The following ZDHHC14 variants were observed in gnomAD, a reference collection of about 807,000 sequenced individuals.
ZDHHC14 encodes the protein palmitoyltransferase ZDHHC14.
A neutral mutation model predicts 47.7 loss-of-function variants in ZDHHC14; 16 were observed. That is an observed-to-expected ratio of 0.34 (90% confidence interval 0.23 to 0.51). The LOEUF is 0.51. Ranked by LOEUF, ZDHHC14 falls within the 20% of genes least tolerant of loss-of-function variation. The probability of loss-of-function intolerance (pLI) is 0.97; values close to 1 mark genes in which losing one functional copy is unlikely to be tolerated. For missense variants in ZDHHC14, 515 were observed against 662.5 expected (o/e 0.78, Z 2.44); for synonymous variants, 293 against 278.9 (o/e 1.05, Z -0.50).
At chr6:157,548,421 TTTG>T (rs767143505) in intron 2 of ZDHHC14, among the ~76,000 whole-genome samples, 63 of 136,330 alleles carry the variant, frequency 4.6e-4, no homozygotes, top group Middle Eastern at 3.6e-3. Flanking sequence ...TGTTCTTGTT[TTTG>T]TTGTTGTTGT....
intron 1 of ZDHHC14, among the ~76,000 whole-genome samples, chr6:157,388,859 C>T (rs957585279): frequency 5.3e-5 from 8 of 152,190 alleles, no homozygotes; most frequent in East Asian, 3.9e-4. Flanking sequence ...TGAGTCTATT[C>T]GGTCCTCTCT....
intron 2 of ZDHHC14, among the ~76,000 whole-genome samples, chr6:157,554,974 G>A (rs949280844): frequency 1.3e-5 from 2 of 152,184 alleles, no homozygotes; most frequent in African/African-American, 4.8e-5. Flanking sequence ...CCTGCCACCC[G>A]AAGTGGGAGT....
chr6:157,570,205 A>C (rs1251381512), intron 2 of ZDHHC14, among the ~76,000 whole-genome samples: 1 of 152,216 alleles, frequency 6.6e-6, no homozygotes. Context: ...TATTAATGCC[A>C]CTCAAACTTC....
At chr6:157,627,853 G>GT (rs1343309538) in intron 3 of ZDHHC14, among the ~76,000 whole-genome samples, 1 of 152,226 alleles carries the variant, frequency 6.6e-6, no homozygotes. Flanking sequence ...CTGAACGGTT[G>GT]TAACTGAGGA....
chr6:157,465,221 T>C (rs1779184684), intron 1 of ZDHHC14, among the ~76,000 whole-genome samples: 1 of 152,062 alleles, frequency 6.6e-6, no homozygotes, highest in South Asian at 2.1e-4. Context: ...GTTCTCCTGT[T>C]GTGCCATTAC....
intron 1 of ZDHHC14, among the ~76,000 whole-genome samples, chr6:157,492,357 T>G (rs891835322): frequency 6.6e-6 from 1 of 152,102 alleles, no homozygotes; most frequent in Non-Finnish European, 1.5e-5. Context: ...CTCAGGGCAT[T>G]TCGCTGCCTG....
chr6:157,388,168 G>A (rs1777355064), intron 1 of ZDHHC14, among the ~76,000 whole-genome samples: 1 of 152,116 alleles, frequency 6.6e-6, no homozygotes, highest in Admixed American at 6.5e-5. Context: ...AACAACCACT[G>A]GCACCTAGAA....
chr6:157,650,513 G>A (rs546159497), intron 7 of ZDHHC14, among the ~76,000 whole-genome samples: 1 of 152,138 alleles, frequency 6.6e-6, no homozygotes, highest in East Asian at 1.9e-4. Flanking sequence ...CAGGCTGGAC[G>A]CGATGGGATG....
chr6:157,512,602 G>A (rs1264163142), intron 1 of ZDHHC14, among the ~76,000 whole-genome samples: 1 of 152,168 alleles, frequency 6.6e-6, no homozygotes, highest in African/African-American at 2.4e-5. Flanking sequence ...CAGCACTAAG[G>A]AAGGCAGATG....
At chr6:157,492,032 G>A (rs994538713) in intron 1 of ZDHHC14, among the ~76,000 whole-genome samples, 7 of 152,168 alleles carry the variant, frequency 4.6e-5, no homozygotes, top group African/African-American at 1.7e-4. Flanking sequence ...ACACTGCCTC[G>A]CCTTCATCAC....
rs34315803 is a variant in ZDHHC14, at chr6:157,538,079, G to A, written c.246-4506G>A. On this transcript the variant is annotated intron_variant, in intron 1 of 8. Coordinates refer to ENST00000359775, the MANE Select transcript of ZDHHC14 (RefSeq NM_024630.3). ...GGGAATTCTGCCACTTTTATAAAAA[G>A]TGAGTTGTTGAGGATTTCTAGGACA... 1.3e-4 allele frequency among the ~76,000 whole-genome samples: 20 copies of A among 152,166 alleles called. No individual in the cohort carries two copies. In the East Asian group the frequency reaches 3.7e-3, roughly 28 times the overall value.
intron 1 of ZDHHC14, among the ~76,000 whole-genome samples, chr6:157,411,220 G>T (rs1227621294): frequency 1.3e-5 from 2 of 151,940 alleles, no homozygotes; most frequent in Admixed American, 1.3e-4. Flanking sequence ...TTCAATGAAT[G>T]AAAAAAAGCC....
chr6:157,593,214 C>T, intron 3 of ZDHHC14, 68 bp downstream of exon 3: 6 of 1,525,758 alleles, frequency 3.9e-6, no homozygotes, highest in Non-Finnish European at 5.3e-6. Context: ...CCTCTCCAAC[C>T]CTGCGCCACG....
intron 1 of ZDHHC14, among the ~76,000 whole-genome samples, chr6:157,505,746 T>G (rs1388445138): frequency 6.6e-6 from 1 of 152,142 alleles, no homozygotes; most frequent in East Asian, 1.9e-4. Flanking sequence ...AAAAAAAAAT[T>G]TGTTTAAACG....
chr6:157,518,789 C>T (rs1049822687), intron 1 of ZDHHC14, among the ~76,000 whole-genome samples: 1 of 152,360 alleles, frequency 6.6e-6, no homozygotes, highest in Admixed American at 6.5e-5. Flanking sequence ...GTGGCTTCCC[C>T]GCCACCGTGG....
chr6:157,594,485 C>T (rs536635882), intron 3 of ZDHHC14, among the ~76,000 whole-genome samples: 119 of 152,228 alleles, frequency 7.8e-4, no homozygotes, highest in African/African-American at 2.7e-3. Context: ...GTCATCTCTG[C>T]GGTGGGGTTG....
intron 3 of ZDHHC14, among the ~76,000 whole-genome samples, chr6:157,610,433 AAAAAAT>A (rs1455307398): frequency 6.6e-6 from 1 of 152,056 alleles, no homozygotes; most frequent in East Asian, 1.9e-4. Flanking sequence ...CTCCGTCTCA[AAAAAAT>A]AAAAATAAAA....
chr6:157,655,732 T>C (rs1001366821), intron 8 of ZDHHC14, among the ~76,000 whole-genome samples: 2 of 152,250 alleles, frequency 1.3e-5, no homozygotes, highest in South Asian at 4.1e-4. Flanking sequence ...GGGGGCAGTA[T>C]GTGAGCAGAT....
At chr6:157,415,599 G>A (rs1332518119) in intron 1 of ZDHHC14, among the ~76,000 whole-genome samples, 3 of 152,230 alleles carry the variant, frequency 2.0e-5, no homozygotes, top group African/African-American at 7.2e-5. Flanking sequence ...GCAAGGCCAG[G>A]TACGGTGACT....
Sources: allele counts gnomAD v4.1 joint callset (sites outside exome capture counted in the v4.1 genomes callset), GRCh38; gene constraint gnomAD v4.1.1; transcripts MANE v1.5; gene names NCBI Gene and HGNC (gene_info 2026-07-23, HGNC 2026-07-21).